The following LMNB1 variants were observed in gnomAD, a reference collection of about 807,000 sequenced individuals.
LMNB1 encodes the protein lamin-B1.
Under a neutral mutation model 67.1 loss-of-function variants are expected in LMNB1, and 23 were observed. The observed-to-expected ratio is 0.34, with a 90% CI of 0.25 to 0.49. The LOEUF (loss-of-function observed/expected upper bound fraction) is 0.49, where lower values mean the gene tolerates loss of function less well. Among genes scored for constraint, LMNB1 ranks in the 20% least tolerant of loss-of-function variants. The probability of loss-of-function intolerance (pLI) is 0.99; values close to 1 mark genes in which losing one functional copy is unlikely to be tolerated. For synonymous variants in LMNB1, 281 were observed against 282.9 expected (o/e 0.99, Z 0.07); for missense variants, 634 against 746.5 (o/e 0.85, Z 1.76).
intron 1 of LMNB1, among the ~76,000 whole-genome samples, chr5:126,787,547 T>TATATATATATA (rs869071732): frequency 1.6e-4 from 6 of 37,490 alleles, no homozygotes; most frequent in African/African-American, 4.9e-4. Flanking sequence ...TATATATATA[T>TATATATATATA]TTTTTTTTTT....
Position 126,820,902 on chromosome 5 carries a change from C to T in LMNB1, c.1161-8C>T. Reference sequence around the variant, plus strand: ...TTAAAAATGAATTGTTTTATTTTTCCCATATAGGTTGAAGCTGTCTCCAAG... The same window carrying T: ...TTAAAAATGAATTGTTTTATTTTTCTCATATAGGTTGAAGCTGTCTCCAAG... On this transcript the variant is annotated splice_polypyrimidine_tract_variant and splice_region_variant and intron_variant, in intron 6 of 10. Transcript: ENST00000261366. The T allele has an allele frequency of 1.9e-6, 3 of 1,600,004 alleles. No homozygotes were observed. Among genetic ancestry groups the T allele is most frequent in the Non-Finnish European group, 2.6e-6 (3 of 1,168,000 alleles).
intron 9 of LMNB1, among the ~76,000 whole-genome samples, chr5:126,827,624 G>A (rs1217553450): frequency 6.6e-6 from 1 of 152,202 alleles, no homozygotes; most frequent in African/African-American, 2.4e-5. Flanking sequence ...TCCAGCCTGG[G>A]CGACAGAGCA....
At position 126,782,736 on chromosome 5, in the gene LMNB1, G is replaced by C. The variant is rs542024063; in HGVS notation, c.359+4869G>C. On this transcript the variant is annotated intron_variant, in intron 1 of 10. Coordinates refer to ENST00000261366, the MANE Select transcript of LMNB1 (RefSeq NM_005573.4). The stretch of plus-strand genomic sequence containing the variant: ...AGGTAATTTTTATATTTTTAGTAGA[G>C]ACCAGGTTTCACCATGTTGGCCAGG... Among the ~76,000 whole-genome samples the C allele has an allele frequency of 3.3e-5, 5 of 151,876 alleles. No individual in the cohort carries two copies. The South Asian group carries it at 1.0e-3, about 32-fold the overall frequency.
At chr5:126,808,336 C>A (rs1375448610) in intron 3 of LMNB1, among the ~76,000 whole-genome samples, 1 of 151,402 alleles carries the variant, frequency 6.6e-6, no homozygotes, top group Non-Finnish European at 1.5e-5. Flanking sequence ...GGTTCACACC[C>A]TCACAACTGG....
At chr5:126,806,577 G>GC (rs993279019) in intron 3 of LMNB1, among the ~76,000 whole-genome samples, 1 of 151,940 alleles carries the variant, frequency 6.6e-6, no homozygotes, top group Non-Finnish European at 1.5e-5. Flanking sequence ...TCATGATATG[G>GC]CCCCCCTAAG....
In LMNB1 at chr5:126,819,017, G is replaced by T. The variant is rs1751795623; in HGVS notation, c.1035G>T (p.Glu345Asp). 12 of 1,614,134 alleles carry T rather than the reference G, an allele frequency of 7.4e-6. No homozygotes were observed. Among genetic ancestry groups the T allele is most frequent in the Non-Finnish European group, 1.0e-5 (12 of 1,179,976 alleles). Residue 345 changes from glutamate to aspartate, a missense_variant, in exon 6 of 11, where the codon GAG becomes GAT. By Grantham distance (45) the Glu-to-Asp change is conservative. Coordinates refer to ENST00000261366, the MANE Select transcript of LMNB1 (RefSeq NM_005573.4). ...GCATGCTGACAGACAAAGAGAGAGA[G>T]ATGGCGGAAATAAGGGATCAAATGC... is the stretch of plus-strand genomic sequence containing the variant. The part of the protein sequence containing the change: ...SRRMLTDKER[E>D]MAEIRDQMQQ...
chr5:126,812,570 A>C (rs1160811217), intron 5 of LMNB1, among the ~76,000 whole-genome samples: 1 of 152,182 alleles, frequency 6.6e-6, no homozygotes, highest in Non-Finnish European at 1.5e-5. Context: ...GTGTGGACAC[A>C]AAGTACATAT....
intron 1 of LMNB1, among the ~76,000 whole-genome samples, chr5:126,795,035 G>A (rs1366971901): frequency 3.3e-5 from 5 of 149,968 alleles, no homozygotes; most frequent in African/African-American, 1.2e-4. Flanking sequence ...TTTACTTATT[G>A]ATTTGTTTCA....
Position 126,777,879 on chromosome 5 carries a change from C to T in LMNB1, c.359+12C>T, listed in dbSNP as rs1476509641. 2.2e-6 allele frequency: 3 copies of T among 1,385,944 alleles called. No homozygotes were observed. The highest frequency in any genetic ancestry group is 3.2e-5 in the South Asian group (2 of 61,892). The allele number at this position is 1,385,944 out of a possible 1,614,324, so 85.9% of individuals were successfully genotyped here. A position where few individuals can be genotyped will look rare whatever the true frequency, so the allele number is the denominator to read the frequency against. ...CAGCTGCTCCTCAAGTGAGTGCTAGCTGGCGGCCGCGTTAGCGCCAAGGAG... is the reference window on the plus strand; with the variant it reads ...CAGCTGCTCCTCAAGTGAGTGCTAGTTGGCGGCCGCGTTAGCGCCAAGGAG... On this transcript the variant is annotated intron_variant, in intron 1 of 10. Transcript: ENST00000261366.
intron 1 of LMNB1, among the ~76,000 whole-genome samples, chr5:126,780,338 A>T (rs1468330478): frequency 6.6e-6 from 1 of 152,216 alleles, no homozygotes; most frequent in African/African-American, 2.4e-5. Context: ...AAGTAAAGAA[A>T]GATTGTCTTT....
chr5:126,833,431 A>G (rs1425469805), intron 10 of LMNB1, among the ~76,000 whole-genome samples: 1 of 152,194 alleles, frequency 6.6e-6, no homozygotes, highest in African/African-American at 2.4e-5. Flanking sequence ...TCCTGATAAG[A>G]CTTTGTTTCC....
chr5:126,819,261 A>G lies in LMNB1; in HGVS notation c.1160+119A>G, dbSNP rs927551628. On this transcript the variant is annotated intron_variant, in intron 6 of 10. Coordinates refer to ENST00000261366, the MANE Select transcript of LMNB1 (RefSeq NM_005573.4). The stretch of plus-strand genomic sequence containing the variant: ...TTTATTTTCTTGGTCATTTCTTTGA[A>G]CACCTAGGTATAGAAGTAGTAATAG... 1.2e-5 allele frequency: 8 copies of G among 658,492 alleles called. No homozygotes were observed. The African/African-American group carries it at 1.5e-4, about 12-fold the overall frequency. The allele number at this position is 658,492 out of a possible 1,614,324, so 40.8% of individuals were successfully genotyped here. A position where few individuals can be genotyped will look rare whatever the true frequency, so the allele number is the denominator to read the frequency against.
intron 1 of LMNB1, among the ~76,000 whole-genome samples, chr5:126,780,531 A>G (rs1750605438): frequency 6.6e-6 from 1 of 152,260 alleles, no homozygotes; most frequent in African/African-American, 2.4e-5. Context: ...ATTAGAATCA[A>G]TGAAATAATG....
intron 3 of LMNB1, among the ~76,000 whole-genome samples, chr5:126,809,227 T>C (rs557955236): frequency 6.6e-6 from 1 of 152,328 alleles, no homozygotes; most frequent in African/African-American, 2.4e-5. Context: ...AAGGAAAGGA[T>C]CATGACAACT....
intron 1 of LMNB1, among the ~76,000 whole-genome samples, chr5:126,780,237 C>T (rs1750593865): frequency 1.3e-5 from 2 of 152,162 alleles, no homozygotes; most frequent in Non-Finnish European, 2.9e-5. Context: ...TACCAGTCAC[C>T]GTTCTATGTT....
At chr5:126,813,041 G>A (rs900391768) in intron 5 of LMNB1, among the ~76,000 whole-genome samples, 1 of 152,100 alleles carries the variant, frequency 6.6e-6, no homozygotes, top group African/African-American at 2.4e-5. Flanking sequence ...TTTTACTCTT[G>A]ATTGGGCTTT....
intron 1 of LMNB1, among the ~76,000 whole-genome samples, chr5:126,799,597 C>T (rs1372503108): frequency 2.6e-5 from 4 of 152,122 alleles, no homozygotes; most frequent in African/African-American, 4.8e-5. Context: ...ACTGAGGGTC[C>T]AGAAGAAGGA....
At chr5:126,826,803 A>G (rs922499321) in intron 9 of LMNB1, among the ~76,000 whole-genome samples, 2 of 152,184 alleles carry the variant, frequency 1.3e-5, no homozygotes, top group African/African-American at 4.8e-5. Flanking sequence ...CAGGTGCTGT[A>G]CCACGCATCA....
chr5:126,777,277 T>A lies in LMNB1; in HGVS notation c.-232T>A. The A allele has an allele frequency of 2.7e-6, 1 of 376,366 alleles. No individual in the cohort carries two copies. Among genetic ancestry groups the A allele is most frequent in the Non-Finnish European group, 4.7e-6 (1 of 214,462 alleles). 23.3% of individuals were successfully genotyped at this position (376,366 alleles called of 1,614,324 possible). A position where few individuals can be genotyped will look rare whatever the true frequency, so the allele number is the denominator to read the frequency against. ...GGTGTGTGTGTTTTCTTACAAAGGG[T>A]ATTTCGCGATCGATCGATTGATTCG... is the stretch of plus-strand genomic sequence containing the variant. On this transcript the variant is annotated 5_prime_UTR_variant, in exon 1 of 11. Coordinates refer to ENST00000261366, the MANE Select transcript of LMNB1 (RefSeq NM_005573.4).
Sources: gnomAD v4.1 joint callset for allele counts (sites outside exome capture counted in the v4.1 genomes callset) on GRCh38, gnomAD v4.1.1 for gene constraint, MANE v1.5 for transcripts, NCBI Gene and HGNC (gene_info 2026-07-23, HGNC 2026-07-21) for gene names.